Variants in ARF3 observed in about 807,000 individuals in gnomAD.
ARF3 encodes the protein ARF GTPase 3.
A neutral mutation model predicts 19.3 loss-of-function variants in ARF3; 5 were observed. That is an observed-to-expected ratio of 0.26 (90% CI 0.14 to 0.54). ARF3 has a LOEUF of 0.54. ARF3 is among the 20% of genes least tolerant of loss of function. The pLI is 0.95. For missense variants in ARF3, 77 were observed against 234.2 expected, an observed-to-expected ratio of 0.33 and a Z score of 4.38; for synonymous variants, 71 against 89.2, an observed-to-expected ratio of 0.80 and a Z score of 1.15.
Position 48,952,669 on chromosome 12 carries a change from C to T in ARF3, c.-94+4641G>A, listed in dbSNP as rs150171897. Among the ~76,000 whole-genome samples, 415 of 152,334 alleles carry T rather than the reference C, an allele frequency of 2.7e-3. 3 individuals carry two copies. The highest frequency in any genetic ancestry group is 0.014 in the Middle Eastern group (4 of 294). On this transcript the variant is annotated intron_variant, in intron 1 of 4. Transcript: ENST00000256682. ...TGGAGCTGACAGTAAACTGCTTAAACAGGAAGACATGATGTGGACAAGGCC... is the reference window on the plus strand; with the variant it reads ...TGGAGCTGACAGTAAACTGCTTAAATAGGAAGACATGATGTGGACAAGGCC...
Position 48,936,348 on chromosome 12 carries a change from CACAG to C in ARF3, c.*2595_*2598del, listed in dbSNP as rs1309036100. The stretch of plus-strand genomic sequence containing the variant: ...GGAACTGCAGTTACCACTATAACAC[CACAG>C]ACAAACTTTGGGGTGGGGGGAGCGG... On this transcript the variant is annotated 3_prime_UTR_variant, in exon 5 of 5. Coordinates refer to ENST00000256682, the MANE Select transcript of ARF3 (RefSeq NM_001659.3). 3 of 152,524 alleles carry C rather than the reference CACAG, an allele frequency of 2.0e-5. No homozygotes were observed. Among genetic ancestry groups the C allele is most frequent in the Non-Finnish European group, 4.4e-5 (3 of 68,042 alleles). 9.4% of individuals were successfully genotyped at this position (152,524 alleles called of 1,614,324 possible).
intron 1 of ARF3, among the ~76,000 whole-genome samples, chr12:48,947,378 C>T (rs1940377693): frequency 6.6e-6 from 1 of 150,424 alleles, no homozygotes. Context: ...GCAATCTCGG[C>T]TCACTGCAAC....
chr12:48,945,011 A>G (rs187206527), intron 1 of ARF3, among the ~76,000 whole-genome samples: 2 of 148,242 alleles, frequency 1.3e-5, no homozygotes, highest in Non-Finnish European at 3.0e-5. Flanking sequence ...TTAGCTGGGC[A>G]TGGTGGTGCG....
chr12:48,938,017 C>T lies in ARF3; in HGVS notation c.*930G>A, dbSNP rs1009631170. The T allele has an allele frequency of 5.8e-6, 1 of 172,736 alleles. No individual in the cohort carries two copies. Among genetic ancestry groups the T allele is most frequent in the South Asian group, 1.4e-4 (1 of 7,232 alleles). The allele number at this position is 172,736 out of a possible 1,614,324, so 10.7% of individuals were successfully genotyped here. On this transcript the variant is annotated 3_prime_UTR_variant, in exon 5 of 5. Coordinates refer to ENST00000256682, the MANE Select transcript of ARF3 (RefSeq NM_001659.3). ...ACACACCATGGACTTGCCATCCCCACCCCCCAGTCAAGCTCCAGAGGAACA... is the reference window on the plus strand; with the variant it reads ...ACACACCATGGACTTGCCATCCCCATCCCCCAGTCAAGCTCCAGAGGAACA...
chr12:48,952,213 C>T (rs573128715), intron 1 of ARF3, among the ~76,000 whole-genome samples: 2 of 152,328 alleles, frequency 1.3e-5, no homozygotes, highest in South Asian at 4.1e-4. Flanking sequence ...AAGGACGCCA[C>T]AGCTGTGAAG....
rs918225514 is a variant in ARF3, at chr12:48,939,851, G to A, written c.260-72C>T. On this transcript the variant is annotated intron_variant, in intron 3 of 4. Transcript: ENST00000256682. This position sits in a 1 kb window ranked among gnomAD's most constrained non-coding sequence, Gnocchi z 4.8. ...TCCCCCCAACCAAAAGACCACACCT[G>A]CCTGACACCCTCCAAATATTTGCTC... is the stretch of plus-strand genomic sequence containing the variant. 3.7e-6 allele frequency: 6 copies of A among 1,605,434 alleles called. No individual in the cohort carries two copies. Among genetic ancestry groups the A allele is most frequent in the African/African-American group, 2.7e-5 (2 of 74,676 alleles).
chr12:48,957,163 CCTCT>C (rs1483843391), intron 1 of ARF3, 143 bp downstream of exon 1: 1 of 151,410 alleles, frequency 6.6e-6, no homozygotes, highest in Non-Finnish European at 1.5e-5. Flanking sequence ...CCCGACGCAC[CCTCT>C]CTGAGCTCTC....
intron 1 of ARF3, 131 bp downstream of exon 1, chr12:48,957,179 G>A (rs1016761535): frequency 6.6e-6 from 1 of 151,512 alleles, no homozygotes; most frequent in African/African-American, 2.4e-5. Flanking sequence ...TGAGCTCTCG[G>A]GTGGGAAGAA....
chr12:48,938,522 T>C lies in ARF3; in HGVS notation c.*425A>G. On this transcript the variant is annotated 3_prime_UTR_variant, in exon 5 of 5. Coordinates refer to ENST00000256682, the MANE Select transcript of ARF3 (RefSeq NM_001659.3). ...CACAGAGAGGCCCGTGCAATTTCCA[T>C]GTAAAACAGGGAGAGGGTGGCAAAG... is the stretch of plus-strand genomic sequence containing the variant. The C allele has an allele frequency of 4.4e-6, 2 of 450,304 alleles. No individual in the cohort carries two copies. The highest frequency in any genetic ancestry group is 1.6e-5 in the South Asian group (1 of 63,900). The allele number at this position is 450,304 out of a possible 1,614,324, so 27.9% of individuals were successfully genotyped here.
rs184358267 is a variant in ARF3, at chr12:48,940,421, T to C, written c.149-314A>G. On this transcript the variant is annotated intron_variant, in intron 2 of 4. Transcript: ENST00000256682. ...CCTACAAAATGACTCAGCCCTGCTC[T>C]GGTACTTTGGCTACCAGAGTCGGCC... is the stretch of plus-strand genomic sequence containing the variant. Among the ~76,000 whole-genome samples, 164 of 152,316 alleles carry C rather than the reference T, an allele frequency of 1.1e-3. 1 individual carries two copies. Among genetic ancestry groups the C allele is most frequent in the Non-Finnish European group, 1.9e-3 (132 of 68,030 alleles).
intron 1 of ARF3, among the ~76,000 whole-genome samples, chr12:48,952,642 G>A (rs1159081516): frequency 2.0e-5 from 3 of 152,200 alleles, no homozygotes; most frequent in African/African-American, 7.2e-5. Flanking sequence ...TGCAAGTCAA[G>A]ATGGAGCTGA....
chr12:48,939,646 A>G lies in ARF3; in HGVS notation c.384+9T>C, dbSNP rs931028993. On this transcript the variant is annotated intron_variant, in intron 4 of 4. Transcript: ENST00000256682. This position sits in a 1 kb window ranked among gnomAD's most constrained non-coding sequence, Gnocchi z 4.8. ...GTCTCCCAAATTCAGGGGTGGGAAG[A>G]AGTCTCACCTGTTTGTTTGCAAAGA... is the stretch of plus-strand genomic sequence containing the variant. 6 of 1,614,026 alleles carry G rather than the reference A, an allele frequency of 3.7e-6. No individual in the cohort carries two copies. The African/African-American group carries it at 8.0e-5, about 22-fold the overall frequency.
intron 1 of ARF3, among the ~76,000 whole-genome samples, chr12:48,952,574 A>G (rs1248156144): frequency 6.6e-6 from 1 of 152,156 alleles, no homozygotes; most frequent in East Asian, 1.9e-4. Flanking sequence ...AAAATCACTG[A>G]AAGTCCATCA....
In ARF3 at chr12:48,936,445, A is replaced by T. The variant is rs2137570559; in HGVS notation, c.*2502T>A. The T allele has an allele frequency of 6.5e-6, 1 of 152,754 alleles. No homozygotes were observed. The highest frequency in any genetic ancestry group is 1.5e-5 in the Non-Finnish European group (1 of 68,048). 9.5% of individuals were successfully genotyped at this position (152,754 alleles called of 1,614,324 possible). A position where few individuals can be genotyped will look rare whatever the true frequency, so the allele number is the denominator to read the frequency against. The stretch of plus-strand genomic sequence containing the variant: ...AATTAAACCTACCAGAGAGGAGAGG[A>T]GAGGGAGTGGGCAGAAATGGAATGA... On this transcript the variant is annotated 3_prime_UTR_variant, in exon 5 of 5. Coordinates refer to ENST00000256682, the MANE Select transcript of ARF3 (RefSeq NM_001659.3).
chr12:48,941,661 A>C (rs1353514916), intron 1 of ARF3: 1 of 152,120 alleles, frequency 6.6e-6, no homozygotes, highest in Non-Finnish European at 1.5e-5. Context: ...CAGTTTCCCA[A>C]GGTTTATGCT....
At chr12:48,944,131 C>T (rs887358343) in intron 1 of ARF3, among the ~76,000 whole-genome samples, 1 of 152,234 alleles carries the variant, frequency 6.6e-6, no homozygotes, top group Non-Finnish European at 1.5e-5. Context: ...CTCCAGATGA[C>T]ACTTTGCTTT....
intron 1 of ARF3, chr12:48,953,187 G>T (rs182141317): frequency 1.3e-5 from 2 of 152,262 alleles, no homozygotes; most frequent in East Asian, 3.9e-4. Context: ...GGTTGAAGAA[G>T]ACTGTATTCT....
chr12:48,940,349 C>T (rs538904607), intron 2 of ARF3, among the ~76,000 whole-genome samples: 7 of 152,204 alleles, frequency 4.6e-5, no homozygotes, highest in Non-Finnish European at 1.0e-4. Context: ...GCCTGGGTAA[C>T]GTGGGCCAAC....
chr12:48,939,572 T>C lies in ARF3; in HGVS notation c.384+83A>G. On this transcript the variant is annotated intron_variant, in intron 4 of 4. Transcript: ENST00000256682. This position sits in a 1 kb window ranked among gnomAD's most constrained non-coding sequence, Gnocchi z 4.8. ...AACATTGAGAGCATACTAAAAGGGT[T>C]AACCATATAATAGGCCCAAGAGCCA... 2.5e-6 allele frequency: 4 copies of C among 1,586,376 alleles called. No homozygotes were observed. The highest frequency in any genetic ancestry group is 3.4e-6 in the Non-Finnish European group (4 of 1,160,026).
Sources: gnomAD v4.1 joint callset for allele counts (sites outside exome capture counted in the v4.1 genomes callset) on GRCh38, gnomAD v4.1.1 for gene constraint, Gnocchi (gnomAD v3.1) non-coding constraint, MANE v1.5 for transcripts, NCBI Gene and HGNC (gene_info 2026-07-23, HGNC 2026-07-21) for gene names.